PDE8B: variants seen among roughly 807,000 people sequenced by gnomAD.
PDE8B encodes high affinity cAMP-specific and IBMX-insensitive 3',5'-cyclic phosphodiesterase 8B.
PDE8B carries 26 observed loss-of-function variants against 101.3 expected under a neutral mutation model. The ratio of observed to expected loss-of-function variants is 0.26; its 90% CI spans 0.19 to 0.36. The LOEUF (loss-of-function observed/expected upper bound fraction) is 0.36, where lower values mean the gene tolerates loss of function less well. PDE8B is among the 10% of genes least tolerant of loss of function. PDE8B has a pLI of 1.00. For synonymous variants in PDE8B, 424 were observed against 429.3 expected (o/e 0.99, Z 0.15); for missense variants, 810 against 1,163.1 (o/e 0.70, Z 4.42).
intron 5 of PDE8B, among the ~76,000 whole-genome samples, chr5:77,332,871 A>G (rs1057046729): frequency 1.5e-4 from 22 of 151,420 alleles, no homozygotes; most frequent in African/African-American, 4.9e-4. Context: ...TCTGAATCCC[A>G]AGTAGGTGGA....
chr5:77,162,114 C>A, the PDE8B span, among the ~76,000 whole-genome samples: 3 of 151,608 alleles, frequency 2.0e-5, no homozygotes, highest in African/African-American at 7.3e-5. Flanking sequence ...GTATGAGAAT[C>A]AATTGTTTTT....
At chr5:77,108,450 G>A in the PDE8B span, among the ~76,000 whole-genome samples, 9 of 152,166 alleles carry the variant, frequency 5.9e-5, no homozygotes, top group South Asian at 2.1e-4. Context: ...TTGGAAGGCC[G>A]AAGCAGGCAG....
At chr5:77,222,280 A>G (rs1007345736) in intron 1 of PDE8B, among the ~76,000 whole-genome samples, 5 of 152,018 alleles carry the variant, frequency 3.3e-5, no homozygotes, top group African/African-American at 1.2e-4. Flanking sequence ...GTGTGTGTGT[A>G]TTTTCTGCCT....
At chr5:77,089,758 GA>G in the PDE8B span, among the ~76,000 whole-genome samples, 1 of 152,154 alleles carries the variant, frequency 6.6e-6, no homozygotes, top group Non-Finnish European at 1.5e-5. Context: ...GAAAACTAAA[GA>G]TAGAACTATC....
intron 7 of PDE8B, among the ~76,000 whole-genome samples, chr5:77,348,247 G>T (rs1435893259): frequency 6.6e-6 from 1 of 152,148 alleles, no homozygotes; most frequent in Non-Finnish European, 1.5e-5. Flanking sequence ...TGCAATTTAA[G>T]CCCAAAGAAA....
intron 10 of PDE8B, among the ~76,000 whole-genome samples, chr5:77,369,847 T>A (rs944570237): frequency 5.3e-5 from 8 of 150,808 alleles, no homozygotes; most frequent in Non-Finnish European, 1.0e-4. Context: ...AAGCAAACAT[T>A]GTGAAAAAGA....
Position 77,420,916 on chromosome 5 carries a change from G to T in PDE8B, c.2251-905G>T, listed in dbSNP as rs187987177. On this transcript the variant is annotated intron_variant, in intron 19 of 21. Coordinates refer to ENST00000264917, the MANE Select transcript of PDE8B (RefSeq NM_003719.5). ...CCAGAACATATTCTGCCCATTGATA[G>T]TCTAATAAATAGGTCCAGTCTTAAA... is the stretch of plus-strand genomic sequence containing the variant. 3.5e-4 allele frequency among the ~76,000 whole-genome samples: 53 copies of T among 152,330 alleles called. 1 individual carries two copies. The East Asian group carries it at 8.7e-3, about 25-fold the overall frequency.
At chr5:77,104,178 G>A in the PDE8B span, among the ~76,000 whole-genome samples, 9 of 152,134 alleles carry the variant, frequency 5.9e-5, no homozygotes, top group East Asian at 1.9e-4. Context: ...CAGGCTTCCC[G>A]TAGAGGTTTA....
chr5:77,263,151 A>G (rs1255953378), intron 1 of PDE8B, among the ~76,000 whole-genome samples: 1 of 152,254 alleles, frequency 6.6e-6, no homozygotes, highest in African/African-American at 2.4e-5. Flanking sequence ...TGGATCATAC[A>G]GAGGCCACCA....
At chr5:77,112,500 G>T in the PDE8B span, 1 of 151,960 alleles carries the variant, frequency 6.6e-6, no homozygotes, top group Non-Finnish European at 1.5e-5. Flanking sequence ...CCACTTAACA[G>T]TTGTTGTTCA....
chr5:77,164,698 TA>T, the PDE8B span, among the ~76,000 whole-genome samples: 1 of 152,184 alleles, frequency 6.6e-6, no homozygotes, highest in African/African-American at 2.4e-5. Flanking sequence ...GCATTGGAGT[TA>T]ACAGGATTCA....
At chr5:77,367,530 CTTTTTTTTTTT>C (rs3031815) in intron 10 of PDE8B, among the ~76,000 whole-genome samples, 1 of 109,496 alleles carries the variant, frequency 9.1e-6, no homozygotes, top group Non-Finnish European at 1.9e-5. Context: ...CTTTTTCTCT[CTTTTTTTTTTT>C]TTTTTTTTTT....
chr5:77,222,080 A>G (rs1433422204), intron 1 of PDE8B, among the ~76,000 whole-genome samples: 1 of 152,132 alleles, frequency 6.6e-6, no homozygotes, highest in Non-Finnish European at 1.5e-5. Context: ...TGTGGCTGCA[A>G]AAGGGTAACC....
intron 10 of PDE8B, among the ~76,000 whole-genome samples, chr5:77,386,394 A>G (rs559633069): frequency 3.3e-5 from 5 of 152,238 alleles, no homozygotes; most frequent in African/African-American, 1.2e-4. Context: ...GTCTCCCACT[A>G]TTATTGTGTG....
At chr5:77,379,791 T>C (rs2150779757) in intron 10 of PDE8B, among the ~76,000 whole-genome samples, 1 of 152,324 alleles carries the variant, frequency 6.6e-6, no homozygotes, top group Admixed American at 6.5e-5. Context: ...TTCAAGAAAA[T>C]ACTCATCAAA....
intron 6 of PDE8B, among the ~76,000 whole-genome samples, chr5:77,340,728 A>G (rs564305625): frequency 6.6e-6 from 1 of 152,088 alleles, no homozygotes; most frequent in East Asian, 1.9e-4. Flanking sequence ...TTGACAGAGG[A>G]AAACACTGAG....
chr5:77,387,309 C>A (rs1423489593), intron 10 of PDE8B, among the ~76,000 whole-genome samples: 1 of 152,092 alleles, frequency 6.6e-6, no homozygotes, highest in East Asian at 1.9e-4. Flanking sequence ...GATTTTATTT[C>A]TCCTTCACTT....
At chr5:77,258,552 G>A (rs1225816993) in intron 1 of PDE8B, among the ~76,000 whole-genome samples, 1 of 152,090 alleles carries the variant, frequency 6.6e-6, no homozygotes, top group Non-Finnish European at 1.5e-5. Context: ...AGGTGACAAA[G>A]AACCCCACAC....
At chr5:77,392,286 C>A (rs1033591423) in intron 10 of PDE8B, among the ~76,000 whole-genome samples, 1 of 152,136 alleles carries the variant, frequency 6.6e-6, no homozygotes, top group Non-Finnish European at 1.5e-5. Context: ...AGACCTACCC[C>A]CCAAAGTCTG....
Sources: gnomAD v4.1 joint callset for allele counts (sites outside exome capture counted in the v4.1 genomes callset) on GRCh38, gnomAD v4.1.1 for gene constraint, MANE v1.5 for transcripts, NCBI Gene and HGNC (gene_info 2026-07-23, HGNC 2026-07-21) for gene names.